The following GALNT2 variants were observed in gnomAD, a reference collection of about 807,000 sequenced individuals.
The protein encoded by GALNT2 is UDP-GalNAc:polypeptide N-acetylgalactosaminyltransferase 2.
GALNT2 carries 31 observed loss-of-function variants against 81.4 expected under a neutral mutation model. That is an observed-to-expected ratio of 0.38 (90% CI 0.29 to 0.51). The LOEUF (loss-of-function observed/expected upper bound fraction) is 0.51. Among genes scored for constraint, GALNT2 ranks in the 20% least tolerant of loss-of-function variants. The pLI, the probability that GALNT2 is intolerant of heterozygous loss-of-function variation, is 0.87. For missense variants in GALNT2, 629 were observed against 765.7 expected, an observed-to-expected ratio of 0.82 and a Z score of 2.11; for synonymous variants, 303 against 287.4, an observed-to-expected ratio of 1.05 and a Z score of -0.55.
chr1:230,146,118 T>C (rs780594160), intron 1 of GALNT2, among the ~76,000 whole-genome samples: 13 of 152,350 alleles, frequency 8.5e-5, no homozygotes, highest in Middle Eastern at 6.8e-3. Context: ...CTTTTCCTTC[T>C]TCCTCCTGGG....
At chr1:230,074,329 T>C (rs10864677) in intron 1 of GALNT2, among the ~76,000 whole-genome samples, 36,407 of 152,160 alleles carry the variant, frequency 0.24, 7,472 homozygotes, top group African/African-American at 0.55. Flanking sequence ...TCCTCCTGCC[T>C]TGGCCTCCCA....
chr1:230,087,569 C>T (rs1166226994), intron 1 of GALNT2, among the ~76,000 whole-genome samples: 6 of 152,196 alleles, frequency 3.9e-5, no homozygotes, highest in Non-Finnish European at 8.8e-5. Flanking sequence ...TATCACCCAC[C>T]CTAGACTGAT....
chr1:230,091,683 A>G (rs1161028800), intron 1 of GALNT2: 1 of 152,270 alleles, frequency 6.6e-6, no homozygotes, highest in Admixed American at 6.5e-5. Flanking sequence ...CATCAGCAGG[A>G]GGCGGTAGAA....
At chr1:230,161,552 C>A (rs1662438599) in intron 1 of GALNT2, among the ~76,000 whole-genome samples, 1 of 152,204 alleles carries the variant, frequency 6.6e-6, no homozygotes, top group Admixed American at 6.5e-5. Flanking sequence ...TGGAATCTAG[C>A]AGCTGAATTT....
intron 1 of GALNT2, among the ~76,000 whole-genome samples, chr1:230,117,320 C>G (rs1660876258): frequency 6.6e-6 from 1 of 152,262 alleles, no homozygotes; most frequent in Admixed American, 6.5e-5. Flanking sequence ...TTCTCCGTAT[C>G]AGCAATAAGG....
At chr1:230,063,562 C>A (rs1268639496), upstream of GALNT2, among the ~76,000 whole-genome samples, 1 of 152,204 alleles carries the variant, frequency 6.6e-6, no homozygotes, top group Non-Finnish European at 1.5e-5. Flanking sequence ...ACAGTGACTT[C>A]AGACCTGCCC....
intron 1 of GALNT2, among the ~76,000 whole-genome samples, chr1:230,133,501 T>C (rs891954499): frequency 6.6e-6 from 1 of 151,522 alleles, no homozygotes; most frequent in African/African-American, 2.4e-5. Flanking sequence ...GGCTGGAGGC[T>C]GGAGTGCAGT....
chr1:230,192,210 C>G (rs1007198684), intron 2 of GALNT2, among the ~76,000 whole-genome samples: 13 of 152,238 alleles, frequency 8.5e-5, no homozygotes, highest in Non-Finnish European at 1.3e-4. Flanking sequence ...GTGGAGGGAA[C>G]ACAGACTGGG....
intron 3 of GALNT2, among the ~76,000 whole-genome samples, chr1:230,211,477 C>T (rs1664233115): frequency 6.6e-6 from 1 of 152,206 alleles, no homozygotes; most frequent in African/African-American, 2.4e-5. Flanking sequence ...TATCAAGGCC[C>T]ATGCTCAGCC....
intron 1 of GALNT2, among the ~76,000 whole-genome samples, chr1:230,166,245 T>G (rs1274345540): frequency 1.3e-5 from 2 of 151,950 alleles, no homozygotes; most frequent in Non-Finnish European, 2.9e-5. Context: ...AATGAGAAAA[T>G]GTACATTTTA....
chr1:230,243,364 C>A lies in GALNT2; in HGVS notation c.666C>A (p.Phe222Leu). ...CTGCCCAAGCCAAGGTCCTGACCTT[C>A]CTGGACAGTCACTGCGAGTGTAATG... ...ADAAQAKVLT[F>L]LDSHCECNEH... is the part of the protein sequence containing the mutation. The change falls in exon 7 of 16, where the codon TTC becomes TTA. Residue 222 changes from phenylalanine to leucine, a missense_variant. Physicochemically the swap from Phe to Leu is conservative, Grantham distance 22 (BLOSUM62 0). Around this residue, in one of 3 missense-constraint regions of GALNT2, gnomAD observed 360 missense variants for 492.8 expected, o/e 0.73. Coordinates refer to ENST00000366672, the MANE Select transcript of GALNT2 (RefSeq NM_004481.5). This position sits in a 1 kb window ranked among gnomAD's most constrained non-coding sequence, Gnocchi z 4.2. The A allele has an allele frequency of 6.2e-7, 1 of 1,612,438 alleles. No homozygotes were observed.
intron 1 of GALNT2, chr1:230,092,064 CCTGA>C (rs905710645): frequency 3.3e-5 from 5 of 152,252 alleles, no homozygotes; most frequent in East Asian, 3.9e-4. Context: ...CTAATTGGAT[CCTGA>C]CTAATACATC....
At chr1:230,269,132 G>T (rs1215984589) in intron 14 of GALNT2, among the ~76,000 whole-genome samples, 3 of 148,560 alleles carry the variant, frequency 2.0e-5, no homozygotes, top group Admixed American at 6.7e-5. Context: ...ATTGCTCAGA[G>T]AAATTTTTTT....
chr1:230,261,082 T>TC (rs1491264272), intron 11 of GALNT2, among the ~76,000 whole-genome samples: 100 of 39,960 alleles, frequency 2.5e-3, no homozygotes, highest in African/African-American at 7.4e-3. Context: ...AAAGTTTCTC[T>TC]TTTTTTTTTT....
chr1:230,171,319 C>CT (rs747501172), intron 1 of GALNT2, among the ~76,000 whole-genome samples: 6 of 152,168 alleles, frequency 3.9e-5, no homozygotes, highest in Non-Finnish European at 8.8e-5. Flanking sequence ...TTAGTCTTAC[C>CT]TTTTGAGAAA....
chr1:230,261,416 C>T (rs2102760346), intron 11 of GALNT2, among the ~76,000 whole-genome samples: 1 of 152,274 alleles, frequency 6.6e-6, no homozygotes, highest in Non-Finnish European at 1.5e-5. Flanking sequence ...TACCTCCTTA[C>T]TGTATTTATT....
intron 3 of GALNT2, among the ~76,000 whole-genome samples, chr1:230,219,040 C>T (rs1024826143): frequency 6.6e-6 from 1 of 152,218 alleles, no homozygotes; most frequent in East Asian, 1.9e-4. Context: ...GGAACAGTTT[C>T]ATCCCAAACC....
chr1:230,274,093 G>T (rs1251382163), intron 14 of GALNT2, among the ~76,000 whole-genome samples: 1 of 152,228 alleles, frequency 6.6e-6, no homozygotes, highest in Non-Finnish European at 1.5e-5. Context: ...AACCAAGCTT[G>T]TGCCACAGTT....
intron 2 of GALNT2, among the ~76,000 whole-genome samples, chr1:230,186,433 A>G (rs892332262): frequency 6.6e-6 from 1 of 152,220 alleles, no homozygotes; most frequent in Non-Finnish European, 1.5e-5. Flanking sequence ...CAGTTCTTTC[A>G]TATGTAAAGT....
Sources: allele counts gnomAD v4.1 joint callset (sites outside exome capture counted in the v4.1 genomes callset), GRCh38; gene constraint gnomAD v4.1.1; regional missense constraint gnomAD v4.1.1; non-coding constraint Gnocchi (gnomAD v3.1); transcripts MANE v1.5; gene names NCBI Gene and HGNC (gene_info 2026-07-23, HGNC 2026-07-21).